Variants in WAC observed in about 807,000 individuals in gnomAD.
The protein encoded by WAC is WW domain containing adaptor with coiled-coil, also known as WW domain-containing adapter protein with coiled-coil.
A neutral mutation model predicts 79.6 loss-of-function variants in WAC; 11 were observed. That is an observed-to-expected ratio of 0.14 (90% confidence interval 0.09 to 0.23). The LOEUF (loss-of-function observed/expected upper bound fraction) is 0.23, where lower values mean the gene tolerates loss of function less well. Ranked by LOEUF, WAC falls within the 10% of genes least tolerant of loss-of-function variation. The pLI is 1.00. For synonymous variants in WAC, 304 were observed against 276.9 expected (o/e 1.10, Z -0.97); for missense variants, 728 against 773.5 (o/e 0.94, Z 0.70).
intron 7 of WAC, among the ~76,000 whole-genome samples, chr10:28,604,596 G>T (rs1840841185): frequency 6.6e-6 from 1 of 152,112 alleles, no homozygotes; most frequent in Non-Finnish European, 1.5e-5. Context: ...CGCTGGGTGT[G>T]GTGGCATGCA....
intron 3 of WAC, among the ~76,000 whole-genome samples, chr10:28,581,082 A>G (rs1721309389): frequency 6.6e-6 from 1 of 152,046 alleles, no homozygotes; most frequent in African/African-American, 2.4e-5. Context: ...AGGGAAGCTC[A>G]CTAGAGATTT....
intron 2 of WAC, among the ~76,000 whole-genome samples, chr10:28,534,678 C>G (rs1204817891): frequency 6.6e-6 from 1 of 152,124 alleles, no homozygotes; most frequent in African/African-American, 2.4e-5. Context: ...ATGAAAGTGG[C>G]CCCAATTTTC....
chr10:28,613,388 G>A (rs1160807441), intron 10 of WAC, among the ~76,000 whole-genome samples: 1 of 152,088 alleles, frequency 6.6e-6, no homozygotes, highest in Non-Finnish European at 1.5e-5. Context: ...ATGGTGATGT[G>A]CACTACTCAG....
Position 28,535,924 on chromosome 10 carries a change from A to C in WAC, c.274+167A>C, listed in dbSNP as rs1349558532. The C allele has an allele frequency of 4.8e-6, 3 of 628,116 alleles. No individual in the cohort carries two copies. The African/African-American group carries it at 5.7e-5, about 12-fold the overall frequency. 38.9% of individuals were successfully genotyped at this position (628,116 alleles called of 1,614,324 possible). On this transcript the variant is annotated intron_variant, in intron 3 of 13. Transcript: ENST00000354911. ...CTCTGAACAAGTTACTGTAGAAACA[A>C]GATGCTGATGTGAGCATCTAAAAAG... is the stretch of plus-strand genomic sequence containing the variant.
intron 12 of WAC, among the ~76,000 whole-genome samples, chr10:28,616,670 C>A (rs925024030): frequency 2.0e-5 from 3 of 150,650 alleles, no homozygotes; most frequent in African/African-American, 7.3e-5. Flanking sequence ...GTCCTTAAGA[C>A]CAAATAGTGC....
At chr10:28,603,933 C>CAAAAAAAA (rs1312613029) in intron 7 of WAC, among the ~76,000 whole-genome samples, 1 of 17,988 alleles carries the variant, frequency 5.6e-5, no homozygotes, top group African/African-American at 2.5e-4. Flanking sequence ...GACTCCGTCT[C>CAAAAAAAA]AAAAAAAAAA....
chr10:28,567,844 T>A (rs1838732979), intron 3 of WAC, among the ~76,000 whole-genome samples: 1 of 152,112 alleles, frequency 6.6e-6, no homozygotes, highest in Non-Finnish European at 1.5e-5. Context: ...AGCCTTGACC[T>A]CCTCAGCTTA....
At chr10:28,610,313 C>T (rs1841171031) in intron 8 of WAC, among the ~76,000 whole-genome samples, 1 of 152,064 alleles carries the variant, frequency 6.6e-6, no homozygotes, top group Non-Finnish European at 1.5e-5. Flanking sequence ...AAAGGGCAAT[C>T]ACATGAAATA....
In WAC at chr10:28,603,965, A is replaced by G. The variant is rs182806079; in HGVS notation, c.920-4221A>G. Among the ~76,000 whole-genome samples, 99 of 26,262 alleles carry G rather than the reference A, an allele frequency of 3.8e-3. 9 individuals carry two copies. The highest frequency in any genetic ancestry group is 0.012 in the African/African-American group (81 of 6,704). 17.2% of individuals were successfully genotyped at this position (26,262 alleles called of 152,430 possible). On this transcript the variant is annotated intron_variant, in intron 7 of 13. Coordinates refer to ENST00000354911, the MANE Select transcript of WAC (RefSeq NM_016628.5). The stretch of plus-strand genomic sequence containing the variant: ...AAAATATATATATGTATGTATGTAT[A>G]TATATATATATATATATATATATGT...
intron 6 of WAC, among the ~76,000 whole-genome samples, chr10:28,593,730 CA>C (rs66821014): frequency 0.58 from 83,850 of 143,426 alleles, 24,109 homozygotes; most frequent in East Asian, 0.68. Context: ...GAGACTCTCT[CA>C]AAAAAAAAAA....
intron 3 of WAC, among the ~76,000 whole-genome samples, chr10:28,579,679 A>T (rs779929654): frequency 3.1e-4 from 47 of 152,100 alleles, no homozygotes; most frequent in Non-Finnish European, 5.7e-4. Flanking sequence ...CTTGGGAAGG[A>T]TGTGCACAAT....
At chr10:28,540,997 T>C (rs934510878) in intron 3 of WAC, among the ~76,000 whole-genome samples, 1 of 152,170 alleles carries the variant, frequency 6.6e-6, no homozygotes, top group African/African-American at 2.4e-5. Context: ...ACATTTTAAC[T>C]TTTTATATTT....
chr10:28,577,549 A>G (rs1193366152), intron 3 of WAC, among the ~76,000 whole-genome samples: 3 of 152,346 alleles, frequency 2.0e-5, no homozygotes, highest in South Asian at 2.1e-4. Context: ...TAGTACAGAT[A>G]TGTGGCTTTC....
rs555658750 is a variant in WAC at position 28,621,298 on chromosome 10, C to T, written c.*1692C>T. The stretch of plus-strand genomic sequence containing the variant: ...CCAAGGGCTTATTTTTTATGTTAGA[C>T]ATCAATGTCAATGTTACTACATTCT... On this transcript the variant is annotated 3_prime_UTR_variant, in exon 14 of 14. Transcript: ENST00000354911. 38 of 138,992 alleles carry T rather than the reference C, an allele frequency of 2.7e-4. No homozygotes were observed. The highest frequency in any genetic ancestry group is 4.6e-4 in the Admixed American group (6 of 12,940). The allele number at this position is 138,992 out of a possible 1,614,324, so 8.6% of individuals were successfully genotyped here. A position where few individuals can be genotyped will look rare whatever the true frequency, so the allele number is the denominator to read the frequency against.
intron 7 of WAC, among the ~76,000 whole-genome samples, chr10:28,597,858 T>C (rs563968839): frequency 1.1e-4 from 16 of 152,360 alleles, no homozygotes; most frequent in Non-Finnish European, 1.6e-4. Flanking sequence ...CTAGCACTCA[T>C]TGAAATTCAG....
intron 3 of WAC, among the ~76,000 whole-genome samples, chr10:28,561,536 G>A (rs1838298932): frequency 6.6e-6 from 1 of 151,980 alleles, no homozygotes; most frequent in South Asian, 2.1e-4. Context: ...TTACATTAGA[G>A]CACGTGTGTA....
At chr10:28,611,978 A>G (rs1278227101) in intron 10 of WAC, 56 bp downstream of exon 10, 105 of 1,584,756 alleles carry the variant, frequency 6.6e-5, no homozygotes, top group Non-Finnish European at 6.4e-5. Flanking sequence ...TGGAAAGTCA[A>G]TAACATTTTA....
intron 7 of WAC, among the ~76,000 whole-genome samples, 172 bp downstream of exon 7, chr10:28,596,213 CTTTAA>C (rs1589220158): frequency 6.6e-6 from 1 of 152,072 alleles, no homozygotes; most frequent in African/African-American, 2.4e-5. Context: ...TAGCTTTTTT[CTTTAA>C]TTTATAATTA....
intron 7 of WAC, among the ~76,000 whole-genome samples, chr10:28,604,172 T>C (rs986683839): frequency 6.6e-6 from 1 of 151,238 alleles, no homozygotes; most frequent in Non-Finnish European, 1.5e-5. Context: ...AAATGAGCTA[T>C]TCATCGTTTT....
Sources: allele counts gnomAD v4.1 joint callset (sites outside exome capture counted in the v4.1 genomes callset), GRCh38; gene constraint gnomAD v4.1.1; transcripts MANE v1.5; gene names NCBI Gene and HGNC (gene_info 2026-07-23, HGNC 2026-07-21).